MALRD1: variants seen among roughly 807,000 people sequenced by gnomAD.
MALRD1 encodes the protein MAM and LDL-receptor class A domain-containing protein 1.
In MALRD1, 247 loss-of-function variants were observed where a neutral mutation model predicts 242.1. The ratio of observed to expected loss-of-function variants is 1.02; its 90% CI spans 0.92 to 1.13. The LOEUF (loss-of-function observed/expected upper bound fraction) is 1.13. MALRD1 is among the 50% of genes most tolerant of loss of function. The probability of loss-of-function intolerance (pLI) is 0.00; values close to 1 mark genes in which losing one functional copy is unlikely to be tolerated. For missense variants in MALRD1, 2,989 were observed against 2,533.1 expected, an observed-to-expected ratio of 1.18 and a Z score of -3.86; for synonymous variants, 995 against 866.6, an observed-to-expected ratio of 1.15 and a Z score of -2.60.
intron 14 of MALRD1, among the ~76,000 whole-genome samples, chr10:19,177,436 TTGTAATGTAGTA>T (rs1190965485): frequency 5.9e-5 from 9 of 151,998 alleles, no homozygotes; most frequent in African/African-American, 2.2e-4. Flanking sequence ...GAGCACTGTC[TTGTAATGTAGTA>T]TTTGGAGGTA....
At chr10:19,253,936 G>A (rs1280159397) in intron 18 of MALRD1, among the ~76,000 whole-genome samples, 1 of 151,878 alleles carries the variant, frequency 6.6e-6, no homozygotes, top group African/African-American at 2.4e-5. Context: ...CCCCCATACT[G>A]TTCTCACAAA....
chr10:19,666,751 A>G lies in MALRD1; in HGVS notation c.6138-25531A>G, dbSNP rs567464464. On this transcript the variant is annotated intron_variant, in intron 36 of 39. Transcript: ENST00000454679. ...TAAATGCTGGTAGGTAGCTGGTAGC[A>G]TAAGCCTTCATCATTTCTCCCTTTC... Among the ~76,000 whole-genome samples, 6 of 152,346 alleles carry G rather than the reference A, an allele frequency of 3.9e-5. No homozygotes were observed. In the East Asian group the frequency reaches 9.6e-4, roughly 24 times the overall value.
At chr10:19,670,902 G>A (rs1178515249) in intron 36 of MALRD1, among the ~76,000 whole-genome samples, 4 of 132,556 alleles carry the variant, frequency 3.0e-5, no homozygotes, top group East Asian at 2.2e-4. Flanking sequence ...TTTTTGAGAT[G>A]GAGTCTTGCT....
intron 18 of MALRD1, among the ~76,000 whole-genome samples, chr10:19,236,119 TA>T (rs913369091): frequency 1.3e-5 from 2 of 152,072 alleles, no homozygotes; most frequent in Non-Finnish European, 2.9e-5. Flanking sequence ...ATTTTATGAA[TA>T]AAAAAAATTA....
Position 19,128,280 on chromosome 10 carries a change from G to A in MALRD1, c.1003G>A (p.Ala335Thr). Residue 335 changes from alanine (A) to threonine (T), a missense_variant, in exon 8 of 40, where the codon GCT becomes ACT. Transcript: ENST00000454679. ...CACTCTTAACCATTTAGACAGCAGGGCTTACCTAAATAGCTCTGTGTGTCA... is the reference window on the plus strand; with the variant it reads ...CACTCTTAACCATTTAGACAGCAGGACTTACCTAAATAGCTCTGTGTGTCA... ...GFTLNHLDSR[A>T]YLNSSVCHCL... 1 of 1,233,454 alleles carries A rather than the reference G, an allele frequency of 8.1e-7. No homozygotes were observed. Among genetic ancestry groups the A allele is most frequent in the Non-Finnish European group, 1.0e-6 (1 of 987,800 alleles). The allele number at this position is 1,233,454 out of a possible 1,614,324, so 76.4% of individuals were successfully genotyped here. A position where few individuals can be genotyped will look rare whatever the true frequency, so the allele number is the denominator to read the frequency against.
intron 29 of MALRD1, among the ~76,000 whole-genome samples, chr10:19,475,063 C>G (rs1393485843): frequency 6.6e-6 from 1 of 152,128 alleles, no homozygotes; most frequent in Non-Finnish European, 1.5e-5. Flanking sequence ...TAAATTTAAC[C>G]AAATCACACA....
At chr10:19,457,899 T>G (rs191966865) in intron 29 of MALRD1, among the ~76,000 whole-genome samples, 181 of 152,154 alleles carry the variant, frequency 1.2e-3, no homozygotes, top group African/African-American at 4.2e-3. Context: ...TAATCCTTAT[T>G]GTTACAGGCT....
intron 28 of MALRD1, among the ~76,000 whole-genome samples, chr10:19,412,889 T>C (rs943532509): frequency 6.6e-6 from 1 of 152,234 alleles, no homozygotes; most frequent in African/African-American, 2.4e-5. Context: ...TGTAGACATT[T>C]CATGTGTTTA....
intron 18 of MALRD1, among the ~76,000 whole-genome samples, chr10:19,243,074 T>TTTTTG (rs1554818746): frequency 1.4e-5 from 2 of 147,358 alleles, no homozygotes; most frequent in African/African-American, 5.0e-5. Flanking sequence ...TTTTTTTTTT[T>TTTTTG]TGTGTGTGTA....
At chr10:19,660,731 A>T (rs946859244) in intron 36 of MALRD1, among the ~76,000 whole-genome samples, 2 of 152,214 alleles carry the variant, frequency 1.3e-5, no homozygotes, top group Non-Finnish European at 2.9e-5. Context: ...CGTTAATTCT[A>T]GCAGGCTTTT....
intron 21 of MALRD1, among the ~76,000 whole-genome samples, chr10:19,283,457 G>GT (rs1210096635): frequency 2.6e-5 from 4 of 152,082 alleles, no homozygotes; most frequent in Middle Eastern, 3.4e-3. Flanking sequence ...TTAGTATATT[G>GT]TTTTTAAAAT....
chr10:19,314,455 G>A (rs1842552601), intron 21 of MALRD1, among the ~76,000 whole-genome samples: 1 of 151,544 alleles, frequency 6.6e-6, no homozygotes, highest in African/African-American at 2.4e-5. Flanking sequence ...CATAAAGGAG[G>A]CATAGAGAAA....
intron 5 of MALRD1, among the ~76,000 whole-genome samples, chr10:19,121,797 G>T (rs1423992645): frequency 6.6e-6 from 1 of 152,158 alleles, no homozygotes; most frequent in Non-Finnish European, 1.5e-5. Context: ...GTTTTCTTCT[G>T]ATTTCTCTCA....
intron 36 of MALRD1, among the ~76,000 whole-genome samples, chr10:19,636,026 C>T (rs963553645): frequency 1.5e-4 from 23 of 151,744 alleles, no homozygotes; most frequent in African/African-American, 5.3e-4. Flanking sequence ...TCAGCCTTCC[C>T]AGTAGCTGGG....
At chr10:19,343,503 CCAT>C (rs1423846015) in intron 24 of MALRD1, among the ~76,000 whole-genome samples, 3 of 152,070 alleles carry the variant, frequency 2.0e-5, no homozygotes, top group Non-Finnish European at 4.4e-5. Flanking sequence ...AAACTCATTC[CCAT>C]CATCCCTAAC....
chr10:19,242,616 A>G (rs1363052662), intron 18 of MALRD1, among the ~76,000 whole-genome samples: 1 of 152,154 alleles, frequency 6.6e-6, no homozygotes, highest in Non-Finnish European at 1.5e-5. Flanking sequence ...GTACGTATAT[A>G]GTTACACCTA....
intron 36 of MALRD1, among the ~76,000 whole-genome samples, chr10:19,671,502 C>T (rs183702642): frequency 3.6e-4 from 54 of 151,742 alleles, no homozygotes; most frequent in African/African-American, 1.3e-3. Flanking sequence ...CCTGTAGTCC[C>T]AGTAGCTCAG....
chr10:19,625,254 G>A (rs1839601539), intron 36 of MALRD1, among the ~76,000 whole-genome samples: 1 of 152,038 alleles, frequency 6.6e-6, no homozygotes, highest in Non-Finnish European at 1.5e-5. Context: ...ATACTATGAG[G>A]ACAAATTTGA....
chr10:19,422,603 T>C (rs1833757455), intron 28 of MALRD1, among the ~76,000 whole-genome samples: 1 of 152,212 alleles, frequency 6.6e-6, no homozygotes, highest in Non-Finnish European at 1.5e-5. Context: ...AATTGCATTT[T>C]TATACTTCAT....
Sources: gnomAD v4.1 joint callset for allele counts (sites outside exome capture counted in the v4.1 genomes callset) on GRCh38, gnomAD v4.1.1 for gene constraint, MANE v1.5 for transcripts, NCBI Gene and HGNC (gene_info 2026-07-23, HGNC 2026-07-21) for gene names.